SCML1: variants seen among roughly 807,000 people sequenced by gnomAD.
SCML1 encodes the protein sex comb on midleg-like protein 1.
For missense variants in SCML1, 137 were observed against 258.1 expected, an observed-to-expected ratio of 0.53 and a Z score of 3.22; for synonymous variants, 104 against 103.6, an observed-to-expected ratio of 1.00 and a Z score of -0.02.
At chrX:17,748,595 GTGAA>G (rs753200537) in intron 4 of SCML1, among the ~76,000 whole-genome samples, 2,304 of 111,724 alleles carry the variant, frequency 0.021, 66 homozygotes, top group African/African-American at 0.069. Context: ...AGTTGAATGA[GTGAA>G]TGAATGAATG....
Position 17,753,680 on chromosome X carries a change from GAA to G in SCML1, c.*300_*301del, listed in dbSNP as rs747596060. The G allele has an allele frequency of 5.2e-4, 50 of 96,716 alleles. No homozygotes were observed. The highest frequency in any genetic ancestry group is 1.8e-3 in the African/African-American group (44 of 25,080). The allele number at this position is 96,716 out of a possible 1,213,427, so 8.0% of individuals were successfully genotyped here. On this transcript the variant is annotated 3_prime_UTR_variant, in exon 8 of 8. Coordinates refer to ENST00000380041, the MANE Select transcript of SCML1 (RefSeq NM_001037540.3). ...ACAAATATATTTCATGCAAGAAACA[GAA>G]AAAAAAAAAAACCCTTTGATTCTGG... is the stretch of plus-strand genomic sequence containing the variant.
intron 2 of SCML1, 185 bp downstream of exon 2, chrX:17,744,404 T>C: frequency 2.9e-6 from 1 of 347,165 alleles, no homozygotes. Context: ...AACACACACT[T>C]AAATTTCTTT....
intron 1 of SCML1, 54 bp downstream of exon 1, chrX:17,737,734 C>G (rs749302041): frequency 9.0e-6 from 1 of 111,390 alleles, no homozygotes; most frequent in East Asian, 2.8e-4. Context: ...CGGGAATACA[C>G]GATTTGGCTT....
chrX:17,740,960 C>A (rs2066589691), intron 1 of SCML1, among the ~76,000 whole-genome samples: 1 of 112,064 alleles, frequency 8.9e-6, no homozygotes, highest in South Asian at 3.7e-4. Flanking sequence ...CTAACTACAG[C>A]CAAATTTTGA....
At chrX:17,740,403 C>T (rs1411026579) in intron 1 of SCML1, among the ~76,000 whole-genome samples, 1 of 111,437 alleles carries the variant, frequency 9.0e-6, no homozygotes, top group East Asian at 2.8e-4. Flanking sequence ...CTCAAAAGCC[C>T]TTGCTATCTT....
At chrX:17,741,757 G>GA (rs1374973494) in intron 1 of SCML1, among the ~76,000 whole-genome samples, 2 of 110,803 alleles carry the variant, frequency 1.8e-5, no homozygotes, top group East Asian at 2.8e-4. Context: ...GATGAGGAAG[G>GA]GGCTTTCCTG....
chrX:17,738,587 AAAAC>A (rs1277435479), intron 1 of SCML1, among the ~76,000 whole-genome samples: 1 of 110,959 alleles, frequency 9.0e-6, no homozygotes, highest in Non-Finnish European at 1.9e-5. Flanking sequence ...GATTGTTCTT[AAAAC>A]AAACAGAGCG....
intron 4 of SCML1, among the ~76,000 whole-genome samples, chrX:17,748,611 A>G (rs1410152253): frequency 8.9e-6 from 1 of 112,370 alleles, no homozygotes; most frequent in East Asian, 2.8e-4. Context: ...GAATGAATGA[A>G]TGAATGAATG....
rs182801122 is a variant in SCML1 at position 17,754,058 on chromosome X, G to A, written c.*666G>A. The A allele has an allele frequency of 1.8e-5, 2 of 111,527 alleles. No homozygotes were observed. Among genetic ancestry groups the A allele is most frequent in the East Asian group, 5.6e-4 (2 of 3,583 alleles). 9.2% of individuals were successfully genotyped at this position (111,527 alleles called of 1,213,427 possible). A position where few individuals can be genotyped will look rare whatever the true frequency, so the allele number is the denominator to read the frequency against. Reference sequence around the variant, plus strand: ...TATTTTATGCAAGAAATATTGTACCGCAAGGGTGGTTTGGATGAAGTCTGA... The same window carrying A: ...TATTTTATGCAAGAAATATTGTACCACAAGGGTGGTTTGGATGAAGTCTGA... On this transcript the variant is annotated 3_prime_UTR_variant, in exon 8 of 8. Coordinates refer to ENST00000380041, the MANE Select transcript of SCML1 (RefSeq NM_001037540.3).
At chrX:17,741,814 T>G (rs1039497695) in intron 1 of SCML1, among the ~76,000 whole-genome samples, 1 of 111,426 alleles carries the variant, frequency 9.0e-6, no homozygotes, top group East Asian at 2.8e-4. Context: ...TTCCCTCCCT[T>G]GGACACCCCT....
chrX:17,745,690 A>C (rs2066636404), intron 3 of SCML1, 151 bp downstream of exon 3: 10 of 408,076 alleles, frequency 2.5e-5, no homozygotes, highest in Non-Finnish European at 4.3e-5. Context: ...TCAGAGAATG[A>C]GCACTTAACC....
chrX:17,754,783 C>T lies in SCML1; in HGVS notation c.*1391C>T, dbSNP rs751246782. On this transcript the variant is annotated 3_prime_UTR_variant, in exon 8 of 8. Transcript: ENST00000380041. ...TTTAGAAAGCCAAATGTACTTTAGA[C>T]ATGAATGCAACTATTTAAAGAATAG... The T allele has an allele frequency of 1.8e-5, 2 of 112,703 alleles. No homozygotes were observed. The highest frequency in any genetic ancestry group is 3.7e-4 in the South Asian group (1 of 2,727). The allele number at this position is 112,703 out of a possible 1,213,427, so 9.3% of individuals were successfully genotyped here. A position where few individuals can be genotyped will look rare whatever the true frequency, so the allele number is the denominator to read the frequency against.
chrX:17,749,940 T>C lies in SCML1; in HGVS notation c.350T>C (p.Leu117Pro), dbSNP rs746291008. ...KKHSYRLVKK[L>P]KLQKMKKNEV... ...CATTCTTACCGGCTTGTTAAAAAGCTTAAACTCCAGAAAATGAAGAAAAAT... is the reference window on the plus strand; with the variant it reads ...CATTCTTACCGGCTTGTTAAAAAGCCTAAACTCCAGAAAATGAAGAAAAAT... The change falls in exon 6 of 8, where the codon CTT becomes CCT. Residue 117 changes from leucine (L) to proline (P), a missense_variant. Physicochemically the swap from Leu to Pro is moderately conservative, Grantham distance 98 (BLOSUM62 -3). Coordinates refer to ENST00000380041, the MANE Select transcript of SCML1 (RefSeq NM_001037540.3). 5.8e-6 allele frequency: 7 copies of C among 1,209,200 alleles called. No individual in the cohort carries two copies. In the East Asian group the frequency reaches 2.1e-4, roughly 36 times the overall value.
chrX:17,737,714 CT>C (rs2066550476), intron 1 of SCML1, 34 bp downstream of exon 1: 1 of 111,355 alleles, frequency 9.0e-6, no homozygotes. Context: ...TCACCTTGAA[CT>C]TTCCGTCACG....
In SCML1 at chrX:17,745,482, T is replaced by C; in HGVS notation, c.60T>C (p.Asp20=). 8.5e-7 allele frequency: 1 copy of C among 1,177,300 alleles called. No homozygotes were observed. The highest frequency in any genetic ancestry group is 1.2e-6 in the Non-Finnish European group (1 of 869,262). The change falls in exon 3 of 8, where the codon GAT becomes GAC. Residue 20 remains aspartate (D), a synonymous_variant. Transcript: ENST00000380041. Reference sequence around the variant, plus strand: ...TAAAAACAAGAATACCTACTTACGATGAAGATGACAACACTATTCTTTATG... The same window carrying C: ...TAAAAACAAGAATACCTACTTACGACGAAGATGACAACACTATTCTTTATG... The part of the protein sequence containing the change: ...DVIKTRIPTY[D]EDDNTILYAY...
chrX:17,749,457 G>A lies in SCML1; in HGVS notation c.256G>A (p.Val86Ile), dbSNP rs1357029716. The change falls in exon 5 of 8, where the codon GTT (valine) becomes ATT (isoleucine). Residue 86 changes from valine to isoleucine, a missense_variant. Physicochemically the swap from Val to Ile is conservative, Grantham distance 29 (BLOSUM62 3). Coordinates refer to ENST00000380041, the MANE Select transcript of SCML1 (RefSeq NM_001037540.3). ...GAAGATTGATGTGATTCGTAGAAAG[G>A]TTTCAAAAATCCAACGTTTCCATGC... ...DKKIDVIRRK[V>I]SKIQRFHARS... 8.3e-7 allele frequency: 1 copy of A among 1,200,907 alleles called. No individual in the cohort carries two copies. The highest frequency in any genetic ancestry group is 1.1e-6 in the Non-Finnish European group (1 of 888,016).
At chrX:17,741,749 T>C (rs913122470) in intron 1 of SCML1, among the ~76,000 whole-genome samples, 8 of 111,031 alleles carry the variant, frequency 7.2e-5, no homozygotes, top group Admixed American at 1.9e-4. Flanking sequence ...AAAAGAGGGA[T>C]GAGGAAGGGG....
At position 17,753,502 on chromosome X, in the gene SCML1, C is replaced by A; in HGVS notation, c.*110C>A. 1 of 547,217 alleles carries A rather than the reference C, an allele frequency of 1.8e-6. No homozygotes were observed. The highest frequency in any genetic ancestry group is 2.7e-6 in the Non-Finnish European group (1 of 363,841). 45.1% of individuals were successfully genotyped at this position (547,217 alleles called of 1,213,427 possible). On this transcript the variant is annotated 3_prime_UTR_variant, in exon 8 of 8. Transcript: ENST00000380041. ...GTCGTTTTTGTTTTGTAGAAAGTAT[C>A]TCTCAAAATATATTATAGCTAGAAT...
intron 1 of SCML1, among the ~76,000 whole-genome samples, chrX:17,743,226 T>G (rs2066613197): frequency 2.7e-5 from 3 of 111,902 alleles, no homozygotes; most frequent in South Asian, 3.7e-4. Flanking sequence ...TCCCTTTTGA[T>G]TTCTGTCTTT....
Sources: gnomAD v4.1 joint callset for allele counts (sites outside exome capture counted in the v4.1 genomes callset) on GRCh38, gnomAD v4.1.1 for gene constraint, MANE v1.5 for transcripts, NCBI Gene and HGNC (gene_info 2026-07-23, HGNC 2026-07-21) for gene names.